STK40: variants seen among roughly 807,000 people sequenced by gnomAD.
The protein encoded by STK40 is serine/threonine kinase 40.
In STK40, 13 loss-of-function variants were observed where a neutral mutation model predicts 47.9. The ratio of observed to expected loss-of-function variants is 0.27; its 90% CI spans 0.18 to 0.43. The LOEUF is 0.43. Among genes scored for constraint, STK40 ranks in the 20% least tolerant of loss-of-function variants. STK40 has a pLI of 1.00. For synonymous variants in STK40, 225 were observed against 243.2 expected (o/e 0.93, Z 0.69); for missense variants, 460 against 595.1 (o/e 0.77, Z 2.36).
chr1:36,371,020 G>A lies in STK40; in HGVS notation c.-8-9680C>T, dbSNP rs570957026. Among the ~76,000 whole-genome samples the A allele has an allele frequency of 1.2e-3, 180 of 151,812 alleles. 1 individual carries two copies. Among genetic ancestry groups the A allele is most frequent in the South Asian group, 5.0e-3 (24 of 4,798 alleles). On this transcript the variant is annotated intron_variant, in intron 1 of 10. Coordinates refer to ENST00000373132, the MANE Select transcript of STK40 (RefSeq NM_001282547.2). Reference sequence around the variant, plus strand: ...GGCTCCTGAGTAGCTGGGATTACACGTGCATGCCACCATGCCAAGTTAATT... The same window carrying A: ...GGCTCCTGAGTAGCTGGGATTACACATGCATGCCACCATGCCAAGTTAATT...
rs1315654487 is a variant in STK40, at chr1:36,358,225, G to A, written c.342+14C>T. 2 of 1,573,950 alleles carry A rather than the reference G, an allele frequency of 1.3e-6. No individual in the cohort carries two copies. The highest frequency in any genetic ancestry group is 1.1e-5 in the South Asian group (1 of 88,664). On this transcript the variant is annotated intron_variant, in intron 4 of 10. Coordinates refer to ENST00000373132, the MANE Select transcript of STK40 (RefSeq NM_001282547.2). ...CAGAGGTGAGCGCGAAGGGTGAGGG[G>A]GAAGGCCGCTCACCTGGAAGAGGCC...
rs537291391 is a variant in STK40, at chr1:36,348,960, C to T, written c.624-145G>A. 541 of 702,834 alleles carry T rather than the reference C, an allele frequency of 7.7e-4. 3 individuals are homozygous for T. Among genetic ancestry groups the T allele is most frequent in the African/African-American group, 6.9e-3 (395 of 57,338 alleles). The allele number at this position is 702,834 out of a possible 1,614,324, so 43.5% of individuals were successfully genotyped here. On this transcript the variant is annotated intron_variant, in intron 6 of 10. Coordinates refer to ENST00000373132, the MANE Select transcript of STK40 (RefSeq NM_001282547.2). ...TCGTCAGAGGGTGAAGCAGCTGCCC[C>T]GACCCCCTCTCCAGGGAGCAGAGCA...
intron 1 of STK40, among the ~76,000 whole-genome samples, 197 bp from the exon 2 acceptor site, chr1:36,361,537 C>T (rs1050947474): frequency 9.9e-5 from 15 of 152,208 alleles, no homozygotes; most frequent in Non-Finnish European, 1.9e-4. Flanking sequence ...TAATTAGATG[C>T]TAAAGGTGGA....
intron 1 of STK40, among the ~76,000 whole-genome samples, chr1:36,374,767 C>A (rs1020822175): frequency 6.6e-6 from 1 of 152,158 alleles, no homozygotes; most frequent in African/African-American, 2.4e-5. Context: ...TTCTGCCATG[C>A]GCAGTGACGG....
rs565400260 is a variant in STK40 at position 36,351,871 on chromosome 1, G to A, written c.623+2493C>T. Among the ~76,000 whole-genome samples, 16 of 152,342 alleles carry A rather than the reference G, an allele frequency of 1.1e-4. No individual in the cohort carries two copies. The South Asian group carries it at 1.9e-3, about 18-fold the overall frequency. The stretch of plus-strand genomic sequence containing the variant: ...GACAACCCTGGGATGTTCATTTACA[G>A]CCAATGAATGGCTGCTGTGGAAGGT... On this transcript the variant is annotated intron_variant, in intron 6 of 10. Transcript: ENST00000373132.
At chr1:36,379,326 G>A (rs1003680686) in intron 1 of STK40, among the ~76,000 whole-genome samples, 2 of 152,028 alleles carry the variant, frequency 1.3e-5, no homozygotes, top group Non-Finnish European at 1.5e-5. Flanking sequence ...GCTAAGTTCT[G>A]GGGAGCCTGA....
chr1:36,371,231 C>T (rs1646943462), intron 1 of STK40, among the ~76,000 whole-genome samples: 1 of 149,992 alleles, frequency 6.7e-6, no homozygotes, highest in South Asian at 2.1e-4. Flanking sequence ...AACGGAAATG[C>T]TGTGTAGTTA....
chr1:36,344,825 C>T (rs1451702736), intron 7 of STK40, among the ~76,000 whole-genome samples: 2 of 152,268 alleles, frequency 1.3e-5, no homozygotes, highest in Non-Finnish European at 2.9e-5. Flanking sequence ...AGGATGGCCA[C>T]TTAATTCACC....
chr1:36,347,096 G>A (rs987418666), intron 7 of STK40, among the ~76,000 whole-genome samples: 2 of 152,192 alleles, frequency 1.3e-5, no homozygotes, highest in Admixed American at 6.5e-5. Context: ...GGGCAGCCCT[G>A]GGGACAGGCC....
At chr1:36,359,977 T>C (rs1646837586) in intron 2 of STK40, among the ~76,000 whole-genome samples, 1 of 152,212 alleles carries the variant, frequency 6.6e-6, no homozygotes, top group African/African-American at 2.4e-5. Context: ...TCAGCTCATA[T>C]GGTGTTTCCT....
chr1:36,366,322 C>T (rs745386241), intron 1 of STK40, among the ~76,000 whole-genome samples: 3 of 152,160 alleles, frequency 2.0e-5, no homozygotes, highest in Admixed American at 6.6e-5. Context: ...AGACACAGGC[C>T]GACAGAAGGA....
chr1:36,380,142 G>A (rs1647027603), intron 1 of STK40, among the ~76,000 whole-genome samples: 1 of 152,216 alleles, frequency 6.6e-6, no homozygotes, highest in African/African-American at 2.4e-5. Flanking sequence ...TACAGAGCCT[G>A]GGAGGATATG....
At chr1:36,349,164 CG>C (rs753530028) in intron 6 of STK40, among the ~76,000 whole-genome samples, 13 of 152,310 alleles carry the variant, frequency 8.5e-5, no homozygotes, top group Admixed American at 2.6e-4. Flanking sequence ...AACAGCCTCA[CG>C]TAATATTCTA....
chr1:36,358,614 T>C, intron 3 of STK40, 123 bp downstream of exon 3: 2 of 1,202,704 alleles, frequency 1.7e-6, no homozygotes, highest in Non-Finnish European at 2.3e-6. Flanking sequence ...CTTGATTGCT[T>C]CTCGGGAAGA....
chr1:36,350,967 G>A (rs1021949079), intron 6 of STK40, among the ~76,000 whole-genome samples: 1 of 152,226 alleles, frequency 6.6e-6, no homozygotes, highest in African/African-American at 2.4e-5. Flanking sequence ...CAAGTGGGGG[G>A]TGCATGGCTC....
Position 36,345,987 on chromosome 1 carries a change from A to ATTTTTTTTTTTT in STK40, c.740-1724_740-1723insAAAAAAAAAAAA, listed in dbSNP as rs1397972473. Among the ~76,000 whole-genome samples, 11 of 17,268 alleles carry ATTTTTTTTTTTT rather than the reference A, an allele frequency of 6.4e-4. 1 individual carries two copies. The highest frequency in any genetic ancestry group is 9.2e-4 in the Non-Finnish European group (8 of 8,726). The allele number at this position is 17,268 out of a possible 152,430, so 11.3% of individuals were successfully genotyped here. A position where few individuals can be genotyped will look rare whatever the true frequency, so the allele number is the denominator to read the frequency against. On this transcript the variant is annotated intron_variant, in intron 7 of 10. Transcript: ENST00000373132. Reference sequence around the variant, plus strand: ...GCATTACATATATATATATATATATATATATTTTTTTTTTTTTTTTTTCCT... The same window carrying ATTTTTTTTTTTT: ...GCATTACATATATATATATATATATATTTTTTTTTTTTTATATTTTTTTTTTTTTTTTTTCCT...
chr1:36,353,006 A>C (rs1033432755), intron 6 of STK40, among the ~76,000 whole-genome samples: 2 of 152,206 alleles, frequency 1.3e-5, no homozygotes, highest in Non-Finnish European at 2.9e-5. Context: ...ATGGGGCACA[A>C]GGCAATGCCC....
intron 2 of STK40, among the ~76,000 whole-genome samples, chr1:36,359,510 A>ACAGCCATC (rs1334627364): frequency 1.3e-5 from 2 of 152,242 alleles, no homozygotes; most frequent in Admixed American, 1.3e-4. Flanking sequence ...AGATTCTGAT[A>ACAGCCATC]CAGCCATCTG....
intron 7 of STK40, 135 bp downstream of exon 7, chr1:36,348,565 G>C (rs997600569): frequency 4.3e-6 from 3 of 696,034 alleles, no homozygotes; most frequent in Non-Finnish European, 5.1e-6. Flanking sequence ...TGTATGGGGA[G>C]GGACAGTACT....
Sources: gnomAD v4.1 joint callset for allele counts (sites outside exome capture counted in the v4.1 genomes callset) on GRCh38, gnomAD v4.1.1 for gene constraint, MANE v1.5 for transcripts, NCBI Gene and HGNC (gene_info 2026-07-23, HGNC 2026-07-21) for gene names.